Variants in OTOG observed in about 807,000 individuals in gnomAD.
The protein encoded by OTOG is otogelin.
A neutral mutation model predicts 313.8 loss-of-function variants in OTOG; 296 were observed. That is an observed-to-expected ratio of 0.94 (90% confidence interval 0.86 to 1.04). The LOEUF (loss-of-function observed/expected upper bound fraction) is 1.04, where lower values mean the gene tolerates loss of function less well. Ranked by LOEUF, OTOG falls within the 50% of genes least tolerant of loss-of-function variation. The probability of loss-of-function intolerance (pLI) is 0.00; values close to 1 mark genes in which losing one functional copy is unlikely to be tolerated. For synonymous variants in OTOG, 1,533 were observed against 1,554.9 expected, an observed-to-expected ratio of 0.99 and a Z score of 0.33; for missense variants, 3,948 against 3,840.1, an observed-to-expected ratio of 1.03 and a Z score of -0.74.
intron 32 of OTOG, among the ~76,000 whole-genome samples, chr11:17,605,599 A>G (rs1853361637): frequency 6.6e-6 from 1 of 152,020 alleles, no homozygotes; most frequent in Non-Finnish European, 1.5e-5. Flanking sequence ...GGAGGGAAGG[A>G]GATAGTTCAA....
At chr11:17,553,636 C>T (rs184275493) in intron 6 of OTOG, 117 bp downstream of exon 6, 2 of 979,578 alleles carry the variant, frequency 2.0e-6, no homozygotes, top group South Asian at 4.3e-5. Context: ...CTTGCATCGC[C>T]CCCCAGCTCC....
chr11:17,602,419 A>AGGAG, intron 32 of OTOG, 42 bp downstream of exon 32: 2 of 1,534,426 alleles, frequency 1.3e-6, no homozygotes, highest in Non-Finnish European at 1.8e-6. Context: ...TCTGGGAGGC[A>AGGAG]GGAGGGTGCT....
chr11:17,615,223 G>C (rs914716329), intron 39 of OTOG, among the ~76,000 whole-genome samples: 2 of 152,194 alleles, frequency 1.3e-5, no homozygotes, highest in African/African-American at 4.8e-5. Flanking sequence ...GTTCTATTGA[G>C]TTTTGAGAAC....
intron 3 of OTOG, among the ~76,000 whole-genome samples, chr11:17,550,267 A>G (rs980250944): frequency 6.6e-6 from 1 of 152,248 alleles, no homozygotes. Context: ...GCCCACTGCT[A>G]GATCTTTTAT....
In OTOG at chr11:17,558,593, C is replaced by A. The variant is rs764126929; in HGVS notation, c.1052C>A (p.Ala351Asp). The change falls in exon 10 of 56, where the codon GCC becomes GAC. Residue 351 changes from alanine (A) to aspartate (D), a missense_variant. By Grantham distance (126) the Ala-to-Asp change is moderately radical. Transcript: ENST00000399397. ...LLRPPFDACH[A>D]YVSPLPFTAS... is the part of the protein sequence containing the mutation. ...CGGCCCCCCTTTGACGCCTGCCACGCCTACGTCAGCCCTCTGCCCTTCACA... is the reference window on the plus strand; with the variant it reads ...CGGCCCCCCTTTGACGCCTGCCACGACTACGTCAGCCCTCTGCCCTTCACA... 5.2e-6 allele frequency: 8 copies of A among 1,550,474 alleles called. No individual in the cohort carries two copies. The South Asian group carries it at 9.5e-5, about 18-fold the overall frequency.
chr11:17,567,848 G>A (rs901940082), intron 15 of OTOG, among the ~76,000 whole-genome samples: 5 of 152,054 alleles, frequency 3.3e-5, no homozygotes, highest in African/African-American at 1.2e-4. Flanking sequence ...TCAACTTTTT[G>A]TGTGCCTTGG....
chr11:17,582,067 G>T (rs7936984), intron 23 of OTOG, among the ~76,000 whole-genome samples: 7,713 of 151,998 alleles, frequency 0.051, 559 homozygotes, highest in African/African-American at 0.15. Context: ...ATCTGCAAAG[G>T]TGTTATATAT....
chr11:17,602,412 G>A, intron 32 of OTOG, 35 bp downstream of exon 32: 1 of 1,538,514 alleles, frequency 6.5e-7, no homozygotes, highest in Non-Finnish European at 8.8e-7. Flanking sequence ...CAGCTCTTCT[G>A]GGAGGCAGGA....
chr11:17,578,788 C>T (rs1852598562), intron 23 of OTOG, among the ~76,000 whole-genome samples: 1 of 151,520 alleles, frequency 6.6e-6, no homozygotes. Flanking sequence ...ACCACCTTAA[C>T]AGGCTACTGT....
intron 7 of OTOG, among the ~76,000 whole-genome samples, chr11:17,556,369 C>T (rs906228724): frequency 1.4e-4 from 21 of 152,204 alleles, no homozygotes; most frequent in Non-Finnish European, 2.4e-4. Context: ...TGCTCCCATA[C>T]TAAAATGCCC....
chr11:17,569,775 T>A (rs1852365702), intron 16 of OTOG, among the ~76,000 whole-genome samples: 1 of 152,164 alleles, frequency 6.6e-6, no homozygotes, highest in Non-Finnish European at 1.5e-5. Flanking sequence ...ATAAAGGGTA[T>A]AAAATGTTCT....
At chr11:17,570,492 T>A (rs909812431) in intron 17 of OTOG, 102 bp downstream of exon 17, 3 of 1,131,232 alleles carry the variant, frequency 2.7e-6, no homozygotes, top group African/African-American at 3.1e-5. Context: ...GAGCCTTCAC[T>A]GTGCCCAGCA....
At position 17,610,046 on chromosome 11, in the gene OTOG, G is replaced by A; in HGVS notation, c.4746G>A (p.Val1582=). 2 of 1,550,098 alleles carry A rather than the reference G, an allele frequency of 1.3e-6. No homozygotes were observed. The highest frequency in any genetic ancestry group is 2.0e-5 in the Admixed American group (1 of 50,982). ...TGCAGACACCCACACCTGGCATGGT[G>A]TCAGGTGCCATGGAGACAACAAGGG... ...VALQTPTPGM[V]SGAMETTRVT... The change falls in exon 36 of 56, where the codon GTG becomes GTA. Residue 1582 remains valine (V), a synonymous_variant. Transcript: ENST00000399397.
At chr11:17,550,651 A>T (rs1851912261) in intron 3 of OTOG, among the ~76,000 whole-genome samples, 1 of 152,184 alleles carries the variant, frequency 6.6e-6, no homozygotes, top group African/African-American at 2.4e-5. Context: ...ACTGAGTTTA[A>T]TTACAGCTCT....
chr11:17,575,032 A>G, intron 20 of OTOG, 120 bp downstream of exon 20: 4 of 1,022,302 alleles, frequency 3.9e-6, no homozygotes, highest in Non-Finnish European at 5.4e-6. Flanking sequence ...TCACAGTTGC[A>G]GGCCAGACCT....
chr11:17,602,971 C>T (rs1853292278), intron 32 of OTOG, among the ~76,000 whole-genome samples: 1 of 152,194 alleles, frequency 6.6e-6, no homozygotes, highest in Non-Finnish European at 1.5e-5. Context: ...AGAGGATGTT[C>T]CCCTAAGAGT....
chr11:17,629,512 C>T (rs1175616957), intron 40 of OTOG, among the ~76,000 whole-genome samples, 196 bp downstream of exon 40: 1 of 152,212 alleles, frequency 6.6e-6, no homozygotes, highest in East Asian at 1.9e-4. Context: ...TAGTAGAGGG[C>T]TCTGGACTCA....
chr11:17,643,595 C>G (rs1848017227), intron 54 of OTOG, 89 bp downstream of exon 54: 41 of 985,276 alleles, frequency 4.2e-5, no homozygotes, highest in Non-Finnish European at 5.5e-5. Flanking sequence ...AGGTTCCTGG[C>G]CTGGCACCTA....
chr11:17,645,684 G>A, intron 55 of OTOG, 41 bp downstream of exon 55: 4 of 1,550,712 alleles, frequency 2.6e-6, no homozygotes, highest in Non-Finnish European at 3.5e-6. Context: ...CAAAAAATGG[G>A]ATGGAGGGGG....
Sources: allele counts gnomAD v4.1 joint callset (sites outside exome capture counted in the v4.1 genomes callset), GRCh38; gene constraint gnomAD v4.1.1; transcripts MANE v1.5; gene names NCBI Gene and HGNC (gene_info 2026-07-23, HGNC 2026-07-21).